The following SLC35F1 variants were observed in gnomAD, a reference collection of about 807,000 sequenced individuals.
SLC35F1 encodes solute carrier family 35 member F1.
Under a neutral mutation model 48.7 loss-of-function variants are expected in SLC35F1, and 14 were observed. That is an observed-to-expected ratio of 0.29 (90% CI 0.19 to 0.45). The LOEUF (loss-of-function observed/expected upper bound fraction) is 0.45. Among genes scored for constraint, SLC35F1 ranks in the 20% least tolerant of loss-of-function variants. SLC35F1 has a pLI of 1.00. For synonymous variants in SLC35F1, 190 were observed against 202.2 expected, an observed-to-expected ratio of 0.94 and a Z score of 0.51; for missense variants, 404 against 500.0, an observed-to-expected ratio of 0.81 and a Z score of 1.83.
Position 118,074,386 on chromosome 6 carries a change from T to A in SLC35F1, c.174-80059T>A, listed in dbSNP as rs116942515. Among the ~76,000 whole-genome samples the A allele has an allele frequency of 9.1e-3, 1,388 of 152,276 alleles. 70 individuals are homozygous for A. The highest frequency in any genetic ancestry group is 0.079 in the Admixed American group (1,204 of 15,300). On this transcript the variant is annotated intron_variant, in intron 1 of 7. Coordinates refer to ENST00000360388, the MANE Select transcript of SLC35F1 (RefSeq NM_001029858.4). ...TTGTGCAACCTGACTGTCAGGTCTG[T>A]AAAAGCCACTGTGTTTCTATATGAC...
chr6:118,179,293 T>C (rs1314496454), intron 2 of SLC35F1, among the ~76,000 whole-genome samples: 1 of 152,168 alleles, frequency 6.6e-6, no homozygotes, highest in East Asian at 1.9e-4. Flanking sequence ...GTAATTCATT[T>C]TGAGTCCAGA....
At chr6:118,286,835 A>T (rs188230776) in intron 7 of SLC35F1, among the ~76,000 whole-genome samples, 9 of 151,438 alleles carry the variant, frequency 5.9e-5, no homozygotes, top group Admixed American at 5.9e-4. Flanking sequence ...AATACTTAAG[A>T]TCTACTTCCT....
At chr6:118,269,927 C>T (rs566828199) in intron 4 of SLC35F1, among the ~76,000 whole-genome samples, 1 of 152,246 alleles carries the variant, frequency 6.6e-6, no homozygotes, top group East Asian at 1.9e-4. Context: ...ACTTGGGAGG[C>T]TGAGGCGGGA....
chr6:117,985,181 C>CT (rs1198413510), intron 1 of SLC35F1, among the ~76,000 whole-genome samples: 1 of 152,108 alleles, frequency 6.6e-6, no homozygotes, highest in Non-Finnish European at 1.5e-5. Flanking sequence ...CCATTAATAC[C>CT]TATTGATGAA....
At chr6:118,232,150 A>G (rs1775299791) in intron 2 of SLC35F1, among the ~76,000 whole-genome samples, 1 of 152,214 alleles carries the variant, frequency 6.6e-6, no homozygotes, top group African/African-American at 2.4e-5. Flanking sequence ...CTGGGAATAA[A>G]GTGACTACCA....
At chr6:118,047,674 C>A (rs1341312558) in intron 1 of SLC35F1, among the ~76,000 whole-genome samples, 1 of 152,108 alleles carries the variant, frequency 6.6e-6, no homozygotes, top group Non-Finnish European at 1.5e-5. Context: ...GTGTCCTTAA[C>A]TTTGGATAAC....
rs1243291374 is a variant in SLC35F1, at chr6:117,907,878, G to C, written c.152G>C (p.Arg51Thr). 2 of 1,502,388 alleles carry C rather than the reference G, an allele frequency of 1.3e-6. No homozygotes were observed. Among genetic ancestry groups the C allele is most frequent in the Non-Finnish European group, 1.8e-6 (2 of 1,136,226 alleles). 93.1% of individuals were successfully genotyped at this position (1,502,388 alleles called of 1,614,324 possible). Reference protein sequence around the residue: ...SASSRAGVRQRIRKVLNREML... With the variant: ...SASSRAGVRQTIRKVLNREML... ...TCCTCCCGGGCTGGCGTGCGCCAGA[G>C]GATCCGCAAAGTGCTGAACAGGTGA... Residue 51 changes from arginine (R) to threonine (T), a missense_variant, in exon 1 of 8, where the codon AGG becomes ACG. Arg to Thr is a moderately conservative substitution (Grantham distance 71). Coordinates refer to ENST00000360388, the MANE Select transcript of SLC35F1 (RefSeq NM_001029858.4).
chr6:118,230,346 A>C (rs1160271547), intron 2 of SLC35F1, among the ~76,000 whole-genome samples: 1 of 152,140 alleles, frequency 6.6e-6, no homozygotes, highest in Non-Finnish European at 1.5e-5. Flanking sequence ...CTACAAAAAA[A>C]AAAAAGAAGA....
intron 4 of SLC35F1, among the ~76,000 whole-genome samples, chr6:118,268,175 G>A (rs1775801786): frequency 6.6e-6 from 1 of 152,158 alleles, no homozygotes; most frequent in Non-Finnish European, 1.5e-5. Context: ...TGAACACCAA[G>A]ATCCATCCAA....
At chr6:117,950,710 A>G (rs929695859) in intron 1 of SLC35F1, among the ~76,000 whole-genome samples, 1 of 152,242 alleles carries the variant, frequency 6.6e-6, no homozygotes, top group Admixed American at 6.5e-5. Context: ...TGATAGATAT[A>G]GAGAAACCAT....
chr6:118,260,791 G>C (rs933765856), intron 3 of SLC35F1, among the ~76,000 whole-genome samples: 1 of 152,096 alleles, frequency 6.6e-6, no homozygotes, highest in Non-Finnish European at 1.5e-5. Flanking sequence ...CAGTTCTCAT[G>C]ACTTCCTCAC....
At chr6:118,234,355 T>C (rs1208127137) in intron 2 of SLC35F1, among the ~76,000 whole-genome samples, 2 of 152,190 alleles carry the variant, frequency 1.3e-5, no homozygotes, top group African/African-American at 4.8e-5. Context: ...TCTTCCATCT[T>C]TGGTGTTCTC....
intron 2 of SLC35F1, among the ~76,000 whole-genome samples, chr6:118,157,813 G>A (rs1774168895): frequency 6.6e-6 from 1 of 152,164 alleles, no homozygotes; most frequent in Non-Finnish European, 1.5e-5. Flanking sequence ...GTGGGTCTGA[G>A]TCTCCCAGTT....
chr6:118,084,422 A>G (rs1016337082), intron 1 of SLC35F1, among the ~76,000 whole-genome samples: 1 of 152,090 alleles, frequency 6.6e-6, no homozygotes, highest in Non-Finnish European at 1.5e-5. Flanking sequence ...ACATTTCTAG[A>G]TGTTTCTAAA....
rs1462341944 is a variant in SLC35F1, at chr6:118,297,675, T to C, written c.1002+12337T>C. On this transcript the variant is annotated intron_variant, in intron 7 of 7. Coordinates refer to ENST00000360388, the MANE Select transcript of SLC35F1 (RefSeq NM_001029858.4). ...TATAATATATATAATATTATATAAGTTCTGAGAAATATATATTATATATAT... is the reference window on the plus strand; with the variant it reads ...TATAATATATATAATATTATATAAGCTCTGAGAAATATATATTATATATAT... Among the ~76,000 whole-genome samples, 4 of 141,822 alleles carry C rather than the reference T, an allele frequency of 2.8e-5. No homozygotes were observed. In the South Asian group the frequency reaches 6.6e-4, roughly 23 times the overall value. The allele number at this position is 141,822 out of a possible 152,430, so 93.0% of individuals were successfully genotyped here.
Position 118,146,114 on chromosome 6 carries a change from T to C in SLC35F1, c.174-8331T>C, listed in dbSNP as rs967568791. ...CATGCCTCCCTCAGACAGGCCTGTA[T>C]TATGGAGCTAATGGAGTGAGTGGGA... On this transcript the variant is annotated intron_variant, in intron 1 of 7. Coordinates refer to ENST00000360388, the MANE Select transcript of SLC35F1 (RefSeq NM_001029858.4). Among the ~76,000 whole-genome samples, 4 of 152,126 alleles carry C rather than the reference T, an allele frequency of 2.6e-5. No individual in the cohort carries two copies. In the East Asian group the frequency reaches 5.8e-4, roughly 22 times the overall value.
intron 4 of SLC35F1, among the ~76,000 whole-genome samples, chr6:118,274,001 T>C (rs900191806): frequency 2.0e-5 from 3 of 152,264 alleles, no homozygotes; most frequent in Admixed American, 6.5e-5. Context: ...CACTGATTCT[T>C]TGATGCCCAG....
In SLC35F1 at chr6:118,167,575, A is replaced by G. The variant is rs58263391; in HGVS notation, c.349+12955A>G. ...ATATATCTAAATATACTAAAGGTAC[A>G]GTAAAAATATGGTATAAAAATAAAA... On this transcript the variant is annotated intron_variant, in intron 2 of 7. Transcript: ENST00000360388. Among the ~76,000 whole-genome samples, 145 of 152,314 alleles carry G rather than the reference A, an allele frequency of 9.5e-4. 1 individual carries two copies. The East Asian group carries it at 0.027, about 28-fold the overall frequency.
chr6:117,927,801 C>T (rs1212301411), intron 1 of SLC35F1, among the ~76,000 whole-genome samples: 3 of 152,206 alleles, frequency 2.0e-5, no homozygotes, highest in African/African-American at 4.8e-5. Context: ...AGGGCATAGA[C>T]ACATGCTGTG....
Sources: gnomAD v4.1 joint callset for allele counts (sites outside exome capture counted in the v4.1 genomes callset) on GRCh38, gnomAD v4.1.1 for gene constraint, MANE v1.5 for transcripts, NCBI Gene and HGNC (gene_info 2026-07-23, HGNC 2026-07-21) for gene names.